RALGPS1: variants seen among roughly 807,000 people sequenced by gnomAD.
The protein encoded by RALGPS1 is ras-specific guanine nucleotide-releasing factor RalGPS1.
A neutral mutation model predicts 78.8 loss-of-function variants in RALGPS1; 19 were observed. That is an observed-to-expected ratio of 0.24 (90% confidence interval 0.17 to 0.35). RALGPS1 has a LOEUF of 0.35. Ranked by LOEUF, RALGPS1 falls within the 10% of genes least tolerant of loss-of-function variation. The pLI is 1.00. For missense variants in RALGPS1, 454 were observed against 688.3 expected (o/e 0.66, Z 3.81); for synonymous variants, 228 against 256.3 (o/e 0.89, Z 1.06).
At chr9:126,940,441 A>ATT (rs56123533) in intron 1 of RALGPS1, among the ~76,000 whole-genome samples, 81,575 of 134,566 alleles carry the variant, frequency 0.61, 25,924 homozygotes, top group East Asian at 0.72. Context: ...TATATATATA[A>ATT]TTTTTTTTTT....
chr9:127,046,213 C>T (rs2047758400), intron 5 of RALGPS1, among the ~76,000 whole-genome samples: 1 of 152,178 alleles, frequency 6.6e-6, no homozygotes, highest in South Asian at 2.1e-4. Flanking sequence ...ACAAATCTCT[C>T]ATGCAGAAAA....
intron 7 of RALGPS1, among the ~76,000 whole-genome samples, chr9:127,060,278 C>T (rs2049093785): frequency 6.6e-6 from 1 of 152,182 alleles, no homozygotes. Flanking sequence ...TCACCCTAGC[C>T]TGAACCTCAT....
chr9:127,018,242 C>G (rs566023896), intron 4 of RALGPS1, among the ~76,000 whole-genome samples: 2 of 151,124 alleles, frequency 1.3e-5, no homozygotes, highest in African/African-American at 4.9e-5. Context: ...AAAACCCAAA[C>G]CAACCAACCA....
At chr9:127,193,415 G>A (rs1259643483) in intron 11 of RALGPS1, among the ~76,000 whole-genome samples, 1 of 152,184 alleles carries the variant, frequency 6.6e-6, no homozygotes, top group African/African-American at 2.4e-5. Flanking sequence ...GGATTGGTGG[G>A]GGCGGATGAA....
At chr9:127,034,323 T>C (rs1387954590) in intron 4 of RALGPS1, 108 bp from the exon 5 acceptor site, 4 of 941,370 alleles carry the variant, frequency 4.2e-6, no homozygotes, top group Non-Finnish European at 6.9e-6. Flanking sequence ...ACAGCCAAGG[T>C]GTCAGCCCTT....
chr9:127,210,848 C>T, intron 14 of RALGPS1: 4 of 1,345,212 alleles, frequency 3.0e-6, no homozygotes, highest in African/African-American at 1.5e-5. Context: ...ATGCCAAGCA[C>T]TGTGCTAGAG....
chr9:127,151,898 TTTCTTCCCC>T (rs1390431582), intron 8 of RALGPS1, among the ~76,000 whole-genome samples: 4 of 152,148 alleles, frequency 2.6e-5, no homozygotes, highest in Non-Finnish European at 5.9e-5. Context: ...CCTTATGTTC[TTTCTTCCCC>T]TTCTTCCCCT....
At chr9:127,040,794 G>A (rs148577646) in intron 5 of RALGPS1, among the ~76,000 whole-genome samples, 44 of 152,288 alleles carry the variant, frequency 2.9e-4, no homozygotes, top group African/African-American at 4.1e-4. Flanking sequence ...CATCTCTACC[G>A]TGGAATCATA....
rs1329712986 is a variant in RALGPS1 at position 126,952,694 on chromosome 9, T to TGTCTGTGC, written c.-65-9529_-65-9522dup. Among the ~76,000 whole-genome samples the TGTCTGTGC allele has an allele frequency of 3.5e-4, 48 of 138,334 alleles. 1 individual carries two copies. In the South Asian group the frequency reaches 0.013, roughly 37 times the overall value. 90.8% of individuals were successfully genotyped at this position (138,334 alleles called of 152,430 possible). On this transcript the variant is annotated intron_variant, in intron 1 of 18. Coordinates refer to ENST00000259351, the MANE Select transcript of RALGPS1 (RefSeq NM_014636.3). ...GTGTGTGTGTGTCTGTGTGTCTGTG[T>TGTCTGTGC]GTCTGTGCGCATGTGCATGCGTGCA...
At chr9:126,919,739 C>T (rs1371260176) in intron 1 of RALGPS1, among the ~76,000 whole-genome samples, 1 of 152,122 alleles carries the variant, frequency 6.6e-6, no homozygotes, top group Admixed American at 6.5e-5. Context: ...TCTTTGTGAG[C>T]AGATATTTAC....
chr9:126,994,075 G>C lies in RALGPS1; in HGVS notation c.216+16330G>C, dbSNP rs149194198. Among the ~76,000 whole-genome samples, 928 of 151,918 alleles carry C rather than the reference G, an allele frequency of 6.1e-3. 4 individuals are homozygous for C. The highest frequency in any genetic ancestry group is 0.01 in the Non-Finnish European group (698 of 67,944). On this transcript the variant is annotated intron_variant, in intron 4 of 18. Coordinates refer to ENST00000259351, the MANE Select transcript of RALGPS1 (RefSeq NM_014636.3). ...AAAGGTAGATAAAACCACAAAGATG[G>C]GAAAAAAAACAGAGCAGAAAAACTG...
At position 127,183,084 on chromosome 9, in the gene RALGPS1, C is replaced by T. The variant is rs529888826; in HGVS notation, c.910+8302C>T. ...CAGACTTTTAAACAACCAGACCTCCCGTGAACTGAGTGAGAACTCACTCAT... is the reference window on the plus strand; with the variant it reads ...CAGACTTTTAAACAACCAGACCTCCTGTGAACTGAGTGAGAACTCACTCAT... On this transcript the variant is annotated intron_variant, in intron 11 of 18. Transcript: ENST00000259351. This position sits in a 1 kb window ranked among gnomAD's most constrained non-coding sequence, Gnocchi z 4.0. Among the ~76,000 whole-genome samples the T allele has an allele frequency of 2.1e-4, 32 of 152,196 alleles. No homozygotes were observed. The South Asian group carries it at 5.0e-3, about 24-fold the overall frequency.
intron 8 of RALGPS1, among the ~76,000 whole-genome samples, chr9:127,131,604 G>A (rs1318452859): frequency 2.0e-5 from 3 of 152,158 alleles, no homozygotes; most frequent in East Asian, 3.9e-4. Flanking sequence ...AGTAAGCAGC[G>A]AAGTCAGGAT....
intron 8 of RALGPS1, among the ~76,000 whole-genome samples, chr9:127,144,721 C>T (rs1384700003): frequency 6.6e-6 from 1 of 152,206 alleles, no homozygotes; most frequent in Non-Finnish European, 1.5e-5. Flanking sequence ...ACCTTGAAAA[C>T]GCTAAGTGAA....
rs928722669 is a variant in RALGPS1 at position 127,076,242 on chromosome 9, T to C, written c.610+6886T>C. 1.7e-4 allele frequency among the ~76,000 whole-genome samples: 26 copies of C among 152,218 alleles called. 1 individual carries two copies. The highest frequency in any genetic ancestry group is 6.0e-4 in the African/African-American group (25 of 41,448). Reference sequence around the variant, plus strand: ...TACATCATTTGCTTATAAATAGCTGTATTGATTTAGGGGGTGTTTTGTTCT... The same window carrying C: ...TACATCATTTGCTTATAAATAGCTGCATTGATTTAGGGGGTGTTTTGTTCT... On this transcript the variant is annotated intron_variant, in intron 8 of 18. Transcript: ENST00000259351.
chr9:127,043,102 G>A (rs763560597), intron 5 of RALGPS1, among the ~76,000 whole-genome samples: 1 of 152,156 alleles, frequency 6.6e-6, no homozygotes, highest in Non-Finnish European at 1.5e-5. Flanking sequence ...TTCCCAACTT[G>A]ATCAATAGAT....
chr9:127,210,212 G>A (rs1315879341), intron 14 of RALGPS1, among the ~76,000 whole-genome samples: 4 of 152,214 alleles, frequency 2.6e-5, no homozygotes, highest in Non-Finnish European at 4.4e-5. Context: ...GGCTGGAGCC[G>A]CAGAGGAGAC....
intron 4 of RALGPS1, among the ~76,000 whole-genome samples, chr9:127,009,988 A>T (rs2044197844): frequency 6.6e-6 from 1 of 151,870 alleles, no homozygotes. Context: ...TTGGCTCCTG[A>T]CTCTTCCAAG....
At chr9:126,965,809 A>G (rs768197798) in intron 2 of RALGPS1, 35 bp from the exon 3 acceptor site, 1 of 1,520,886 alleles carries the variant, frequency 6.6e-7, no homozygotes, top group Non-Finnish European at 9.1e-7. Flanking sequence ...ACGTCATATC[A>G]TTCAGTTGGC....
Sources: allele counts gnomAD v4.1 joint callset (sites outside exome capture counted in the v4.1 genomes callset), GRCh38; gene constraint gnomAD v4.1.1; non-coding constraint Gnocchi (gnomAD v3.1); transcripts MANE v1.5; gene names NCBI Gene and HGNC (gene_info 2026-07-23, HGNC 2026-07-21).